Variants in RBFOX1 observed in about 807,000 individuals in gnomAD.
RBFOX1 encodes the protein RNA binding protein fox-1 homolog 1.
In RBFOX1, 8 loss-of-function variants were observed where a neutral mutation model predicts 57.7. The ratio of observed to expected loss-of-function variants is 0.14; its 90% CI spans 0.08 to 0.25. The LOEUF (loss-of-function observed/expected upper bound fraction) is 0.25. RBFOX1 is among the 10% of genes least tolerant of loss of function. The pLI, the probability that RBFOX1 is intolerant of heterozygous loss-of-function variation, is 1.00. For synonymous variants in RBFOX1, 326 were observed against 222.4 expected (o/e 1.47, Z -4.15); for missense variants, 611 against 548.5 (o/e 1.11, Z -1.14).
chr16:7,111,219 C>G (rs547276409), intron 4 of RBFOX1, among the ~76,000 whole-genome samples: 105 of 152,184 alleles, frequency 6.9e-4, no homozygotes, highest in Non-Finnish European at 1.2e-3. Context: ...ATCAGATGGG[C>G]CTTTGTCAAA....
rs556010343 is a variant in RBFOX1, at chr16:6,628,599, C to G, written c.-63-26004C>G. Among the ~76,000 whole-genome samples, 20 of 152,294 alleles carry G rather than the reference C, an allele frequency of 1.3e-4. No homozygotes were observed. The East Asian group carries it at 3.5e-3, about 26-fold the overall frequency. On this transcript the variant is annotated intron_variant, in intron 2 of 15. Transcript: ENST00000550418. The stretch of plus-strand genomic sequence containing the variant: ...ATTTCAAAGTGACTTGCATCAGTAT[C>G]TTTCACCCTTCAGCAGGGTGTAAAT...
chr16:5,955,075 G>T (rs1023592739), intron 4 of RBFOX1, among the ~76,000 whole-genome samples: 49 of 126,140 alleles, frequency 3.9e-4, no homozygotes, highest in African/African-American at 1.4e-3. Context: ...GAGGTCAGGA[G>T]TTCAAGACCA....
At chr16:5,656,025 C>A (rs1222693080) in intron 3 of RBFOX1, among the ~76,000 whole-genome samples, 1 of 152,112 alleles carries the variant, frequency 6.6e-6, no homozygotes, top group African/African-American at 2.4e-5. Context: ...AGTACGTGCT[C>A]GTTAAAAGCT....
intron 3 of RBFOX1, among the ~76,000 whole-genome samples, chr16:5,821,400 A>G (rs573748389): frequency 6.7e-6 from 1 of 148,668 alleles, no homozygotes; most frequent in African/African-American, 2.5e-5. Flanking sequence ...ACTCCTGGAC[A>G]TGAGCAGTTC....
At chr16:7,506,815 G>T (rs1331759005) in intron 4 of RBFOX1, among the ~76,000 whole-genome samples, 2 of 149,186 alleles carry the variant, frequency 1.3e-5, no homozygotes, top group East Asian at 4.1e-4. Flanking sequence ...TCTGCCAAAG[G>T]TACCATAATG....
chr16:6,182,450 C>T (rs941139904), intron 1 of RBFOX1, among the ~76,000 whole-genome samples: 1 of 152,128 alleles, frequency 6.6e-6, no homozygotes, highest in African/African-American at 2.4e-5. Flanking sequence ...TTTATATAAT[C>T]AAACAGCTAA....
intron 4 of RBFOX1, among the ~76,000 whole-genome samples, chr16:7,339,955 T>C (rs527618552): frequency 6.6e-6 from 1 of 152,280 alleles, no homozygotes; most frequent in East Asian, 1.9e-4. Flanking sequence ...GTGGAAAAGA[T>C]GGTTCTTGGC....
intron 3 of RBFOX1, among the ~76,000 whole-genome samples, chr16:5,831,058 C>T (rs117011908): frequency 1.8e-3 from 274 of 152,288 alleles, no homozygotes; most frequent in Middle Eastern, 3.4e-3. Context: ...ATCTGTTCTC[C>T]TTACCCACAG....
chr16:6,927,271 G>A (rs1369035348), intron 3 of RBFOX1, among the ~76,000 whole-genome samples: 1 of 151,534 alleles, frequency 6.6e-6, no homozygotes, highest in African/African-American at 2.4e-5. Context: ...AAATTTGCCA[G>A]GTGTGGTGAC....
chr16:6,510,035 T>C (rs890026767), intron 2 of RBFOX1, among the ~76,000 whole-genome samples: 6 of 152,136 alleles, frequency 3.9e-5, no homozygotes, highest in African/African-American at 1.2e-4. Context: ...GTTCCTGTGA[T>C]TGAAGCAGCT....
chr16:6,685,547 C>G (rs1343139542), intron 3 of RBFOX1, among the ~76,000 whole-genome samples: 1 of 151,528 alleles, frequency 6.6e-6, no homozygotes, highest in East Asian at 1.9e-4. Flanking sequence ...CTCACTCTCC[C>G]AAAGTGCTGG....
rs8045586 is a variant in RBFOX1, at chr16:5,880,862, A to C, written c.351+13527A>C. Among the ~76,000 whole-genome samples, 611 of 152,180 alleles carry C rather than the reference A, an allele frequency of 4.0e-3. 5 individuals are homozygous for C. Among genetic ancestry groups the C allele is most frequent in the African/African-American group, 0.014 (591 of 41,512 alleles). On this transcript the variant is annotated intron_variant, in intron 4 of 19. Transcript: ENST00000641259. The stretch of plus-strand genomic sequence containing the variant: ...ATAAATTAAAACATGATTCAGTCAA[A>C]TCTTTGCTTTCTTTGTTAACACATT...
At chr16:6,076,833 G>C (rs758428283) in intron 1 of RBFOX1, among the ~76,000 whole-genome samples, 20 of 152,132 alleles carry the variant, frequency 1.3e-4, no homozygotes, top group Non-Finnish European at 2.9e-4. Context: ...AAAACCATGA[G>C]GCCAAAAACG....
At chr16:7,076,992 C>T (rs1000996143) in intron 4 of RBFOX1, among the ~76,000 whole-genome samples, 7 of 152,082 alleles carry the variant, frequency 4.6e-5, no homozygotes, top group South Asian at 2.1e-4. Flanking sequence ...TGGGTGTACG[C>T]GAGAGAGGTG....
chr16:5,637,186 C>T (rs2159300), intron 3 of RBFOX1, among the ~76,000 whole-genome samples: 47,986 of 152,126 alleles, frequency 0.32, 9,332 homozygotes, highest in African/African-American at 0.55. Flanking sequence ...CAGCAGCTGA[C>T]ATGCCGCTGA....
chr16:6,983,523 A>G lies in RBFOX1; in HGVS notation c.-15-68534A>G, dbSNP rs550428928. 2.0e-5 allele frequency: 3 copies of G among 152,062 alleles called. 1 individual carries two copies. In the South Asian group the frequency reaches 6.2e-4, roughly 32 times the overall value. 9.4% of individuals were successfully genotyped at this position (152,062 alleles called of 1,614,324 possible). A position where few individuals can be genotyped will look rare whatever the true frequency, so the allele number is the denominator to read the frequency against. On this transcript the variant is annotated intron_variant, in intron 3 of 15. Transcript: ENST00000550418. ...TCAGCTTATAAGAGCAATGTAAGCA[A>G]TTTTGCATTGCACTCACTCCCCAGG...
intron 3 of RBFOX1, among the ~76,000 whole-genome samples, chr16:6,767,610 C>G (rs1228405835): frequency 6.6e-6 from 1 of 151,976 alleles, no homozygotes; most frequent in East Asian, 1.9e-4. Context: ...TCCCAAAGAA[C>G]TCATCCCTAA....
intron 4 of RBFOX1, among the ~76,000 whole-genome samples, chr16:7,465,158 A>G (rs910536050): frequency 2.6e-5 from 4 of 152,012 alleles, no homozygotes; most frequent in African/African-American, 9.7e-5. Context: ...TACTTTTTCC[A>G]CCTAGAATCC....
At chr16:6,436,253 G>T (rs957789712) in intron 2 of RBFOX1, among the ~76,000 whole-genome samples, 2 of 152,174 alleles carry the variant, frequency 1.3e-5, no homozygotes, top group African/African-American at 4.8e-5. Flanking sequence ...AAAAATGGCT[G>T]TTGGAATGGT....
Sources: gnomAD v4.1 joint callset for allele counts (sites outside exome capture counted in the v4.1 genomes callset) on GRCh38, gnomAD v4.1.1 for gene constraint, MANE v1.5 for transcripts, NCBI Gene and HGNC (gene_info 2026-07-23, HGNC 2026-07-21) for gene names.